DOCK9: variants seen among roughly 807,000 people sequenced by gnomAD.
The protein encoded by DOCK9 is dedicator of cytokinesis protein 9.
DOCK9 carries 89 observed loss-of-function variants against 263.3 expected under a neutral mutation model. The ratio of observed to expected loss-of-function variants is 0.34; its 90% CI spans 0.28 to 0.40. DOCK9 has a LOEUF of 0.40. Ranked by LOEUF, DOCK9 falls within the 10% of genes least tolerant of loss-of-function variation. DOCK9 has a pLI of 1.00. For synonymous variants in DOCK9, 976 were observed against 973.1 expected (o/e 1.00, Z -0.06); for missense variants, 2,140 against 2,603.4 (o/e 0.82, Z 3.87).
intron 12 of DOCK9, 135 bp downstream of exon 12, chr13:98,902,150 CTAA>C: frequency 9.5e-7 from 1 of 1,051,198 alleles, no homozygotes; most frequent in Admixed American, 2.9e-5. Context: ...CTTTTACTGT[CTAA>C]TAATAAATAC....
At chr13:98,999,316 A>ACACACACTCTCTCTCTCTCTCT in intron 1 of DOCK9, among the ~76,000 whole-genome samples, 3 of 138,370 alleles carry the variant, frequency 2.2e-5, no homozygotes, top group South Asian at 2.7e-4. Context: ...ACACACACAC[A>ACACACACTCTCTCTCTCTCTCT]CTCTCTCTCT....
chr13:99,060,232 C>A (rs2041125392), intron 1 of DOCK9, among the ~76,000 whole-genome samples: 1 of 151,738 alleles, frequency 6.6e-6, no homozygotes, highest in Admixed American at 6.6e-5. Context: ...CGTCACCGCA[C>A]CCAGCTAAAT....
At chr13:98,837,013 A>AC in intron 39 of DOCK9, among the ~76,000 whole-genome samples, 1 of 138,492 alleles carries the variant, frequency 7.2e-6, no homozygotes, top group East Asian at 2.1e-4. Flanking sequence ...TAAAAACAAG[A>AC]CAAAAAAAAA....
intron 9 of DOCK9, among the ~76,000 whole-genome samples, chr13:98,912,234 T>C (rs996933925): frequency 3.3e-5 from 5 of 152,136 alleles, no homozygotes; most frequent in Non-Finnish European, 5.9e-5. Context: ...AAAGAGTACA[T>C]GTATAAGTCC....
At chr13:98,860,938 GC>G (rs2093851161) in intron 32 of DOCK9, among the ~76,000 whole-genome samples, 1 of 152,210 alleles carries the variant, frequency 6.6e-6, no homozygotes, top group Non-Finnish European at 1.5e-5. Context: ...AATTACAACA[GC>G]AGCAATGACT....
Position 98,837,567 on chromosome 13 carries a change from A to G in DOCK9, c.4241T>C (p.Leu1414Pro). 4 of 1,613,878 alleles carry G rather than the reference A, an allele frequency of 2.5e-6. No homozygotes were observed. Among genetic ancestry groups the G allele is most frequent in the South Asian group, 1.1e-5 (1 of 91,052 alleles). The part of the protein sequence containing the change: ...SDADVLHQSL[L>P]EANIATEVCL... ...AACCTCAGTAGCAATGTTGGCTTCA[A>G]GTAATGACTGGTGCAGAACATCTGC... The change falls in exon 39 of 53, where the codon CTT becomes CCT. Residue 1414 changes from leucine to proline, a missense_variant. By Grantham distance (98) the Leu-to-Pro change is moderately conservative. Transcript: ENST00000682017.
intron 9 of DOCK9, 24 bp from the exon 10 acceptor site, chr13:98,904,730 T>C: frequency 1.3e-6 from 2 of 1,537,460 alleles, no homozygotes; most frequent in South Asian, 1.2e-5. Flanking sequence ...ACATGAAAAT[T>C]ACATTTAACA....
chr13:99,036,528 C>G (rs1401610135), intron 1 of DOCK9, among the ~76,000 whole-genome samples: 2 of 152,050 alleles, frequency 1.3e-5, no homozygotes, highest in African/African-American at 4.8e-5. Flanking sequence ...AGTAAGCCAC[C>G]TGGTTGTTGG....
intron 38 of DOCK9, among the ~76,000 whole-genome samples, chr13:98,837,962 G>C (rs1566665108): frequency 6.6e-6 from 1 of 152,108 alleles, no homozygotes; most frequent in East Asian, 1.9e-4. Context: ...TGAACCCTTG[G>C]TGGAGATAAG....
At chr13:99,036,519 G>GT (rs1400579621) in intron 1 of DOCK9, among the ~76,000 whole-genome samples, 1 of 152,122 alleles carries the variant, frequency 6.6e-6, no homozygotes, top group Non-Finnish European at 1.5e-5. Context: ...ATTGTAGTTA[G>GT]TAAGCCACCT....
chr13:98,851,301 T>C (rs1276823255), intron 35 of DOCK9, among the ~76,000 whole-genome samples: 1 of 152,232 alleles, frequency 6.6e-6, no homozygotes, highest in Non-Finnish European at 1.5e-5. Context: ...CCGCTTGGCC[T>C]ATTAGACCAG....
At chr13:98,821,816 C>T (rs1056703240) in intron 45 of DOCK9, among the ~76,000 whole-genome samples, 3 of 152,162 alleles carry the variant, frequency 2.0e-5, no homozygotes, top group Non-Finnish European at 4.4e-5. Flanking sequence ...GGTAGCGTCC[C>T]TTAAAGTCAC....
intron 2 of DOCK9, 108 bp downstream of exon 2, chr13:98,955,324 AAAT>A (rs982574002): frequency 2.5e-4 from 182 of 738,230 alleles, no homozygotes; most frequent in Non-Finnish European, 2.6e-4. Context: ...GTCTCAAAAA[AAAT>A]AATAATAATA....
chr13:98,931,354 A>G (rs1412904410), intron 2 of DOCK9, among the ~76,000 whole-genome samples: 2 of 151,708 alleles, frequency 1.3e-5, no homozygotes, highest in Non-Finnish European at 2.9e-5. Flanking sequence ...TCTGGAGTGC[A>G]GTGGCGCAAT....
At chr13:99,025,772 AAAC>A (rs1286645280) in intron 1 of DOCK9, among the ~76,000 whole-genome samples, 1 of 152,258 alleles carries the variant, frequency 6.6e-6, no homozygotes, top group Non-Finnish European at 1.5e-5. Context: ...TGTTCATAAT[AAAC>A]AAAAATTGGA....
rs1311388411 is a variant in DOCK9 at position 98,826,891 on chromosome 13, T to C, written c.4966-4A>G. 6.2e-7 allele frequency: 1 copy of C among 1,607,236 alleles called. No homozygotes were observed. Among genetic ancestry groups the C allele is most frequent in the Non-Finnish European group, 8.5e-7 (1 of 1,176,162 alleles). On this transcript the variant is annotated splice_polypyrimidine_tract_variant and splice_region_variant and intron_variant, in intron 43 of 52. Coordinates refer to ENST00000682017, the MANE Select transcript of DOCK9 (RefSeq NM_001366683.2). ...CGTGGACATAGCACATTGCTGCCTA[T>C]AATAGAAGACACATGCCTCAGAATC... is the stretch of plus-strand genomic sequence containing the variant.
At chr13:99,057,793 C>G (rs890066846) in intron 1 of DOCK9, among the ~76,000 whole-genome samples, 11 of 152,188 alleles carry the variant, frequency 7.2e-5, no homozygotes, top group Admixed American at 2.0e-4. Flanking sequence ...CAGAGATCAG[C>G]AGGCACTCGC....
intron 1 of DOCK9, among the ~76,000 whole-genome samples, chr13:99,017,617 G>A (rs770083978): frequency 8.5e-5 from 13 of 152,098 alleles, no homozygotes; most frequent in East Asian, 1.9e-4. Flanking sequence ...CCCTCCATTC[G>A]TGTTTAAAAC....
At chr13:99,087,118 G>C (rs1450035627), upstream of DOCK9, among the ~76,000 whole-genome samples, 1 of 152,144 alleles carries the variant, frequency 6.6e-6, no homozygotes. Flanking sequence ...ATGTGGCACC[G>C]ATCGGAACCC....
Sources: gnomAD v4.1 joint callset for allele counts (sites outside exome capture counted in the v4.1 genomes callset) on GRCh38, gnomAD v4.1.1 for gene constraint, MANE v1.5 for transcripts, NCBI Gene and HGNC (gene_info 2026-07-23, HGNC 2026-07-21) for gene names.